Variants in NAV2 observed in about 807,000 individuals in gnomAD.
NAV2 encodes the protein helicase, APC down-regulated 1.
A neutral mutation model predicts 223.2 loss-of-function variants in NAV2; 54 were observed. That is an observed-to-expected ratio of 0.24 (90% confidence interval 0.19 to 0.30). NAV2 has a LOEUF of 0.30. Ranked by LOEUF, NAV2 falls within the 10% of genes least tolerant of loss-of-function variation. The pLI, the probability that NAV2 is intolerant of heterozygous loss-of-function variation, is 1.00. For synonymous variants in NAV2, 1,279 were observed against 1,239.3 expected (o/e 1.03, Z -0.67); for missense variants, 2,806 against 3,147.5 (o/e 0.89, Z 2.60).
intron 4 of NAV2, among the ~76,000 whole-genome samples, chr11:19,872,833 G>A (rs1473980549): frequency 2.0e-5 from 3 of 152,356 alleles, no homozygotes; most frequent in African/African-American, 7.2e-5. Flanking sequence ...CTGGTTTGGG[G>A]AACTTCCCTG....
intron 1 of NAV2, among the ~76,000 whole-genome samples, chr11:19,632,583 A>G (rs1275487600): frequency 6.6e-6 from 1 of 152,100 alleles, no homozygotes; most frequent in Non-Finnish European, 1.5e-5. Flanking sequence ...TGTGGTTTTC[A>G]TTGTGGTCAG....
In NAV2 at chr11:19,430,732, C is replaced by T. The variant is rs540628153; in HGVS notation, c.75+79705C>T. On this transcript the variant is annotated intron_variant, in intron 1 of 37. Coordinates refer to the NAV2 transcript ENST00000360655. ...AAGATATGATGCCAGTCTCCCCTGC[C>T]GTGTGGATCAGTTGACAGTTGAGGG... 1.1e-4 allele frequency among the ~76,000 whole-genome samples: 16 copies of T among 152,308 alleles called. 1 individual carries two copies. Among genetic ancestry groups the T allele is most frequent in the African/African-American group, 3.8e-4 (16 of 41,582 alleles).
chr11:19,963,029 G>A (rs1282053268), intron 10 of NAV2, among the ~76,000 whole-genome samples: 2 of 152,198 alleles, frequency 1.3e-5, no homozygotes, highest in Non-Finnish European at 2.9e-5. Context: ...TCAGAAACAT[G>A]GGACGAAATA....
intron 1 of NAV2, among the ~76,000 whole-genome samples, chr11:19,737,055 C>T (rs1267705249): frequency 6.6e-6 from 1 of 152,242 alleles, no homozygotes; most frequent in Non-Finnish European, 1.5e-5. Context: ...TGGCTGCTAG[C>T]CGTAGAGCCC....
At chr11:19,953,328 G>A (rs1423940861) in intron 10 of NAV2, among the ~76,000 whole-genome samples, 3 of 152,106 alleles carry the variant, frequency 2.0e-5, no homozygotes, top group African/African-American at 7.2e-5. Context: ...GGCTCTTCAT[G>A]GCCTTTGCCT....
intron 1 of NAV2, among the ~76,000 whole-genome samples, chr11:19,501,666 C>T (rs1047286837): frequency 3.3e-5 from 5 of 151,788 alleles, no homozygotes; most frequent in African/African-American, 4.8e-5. Flanking sequence ...GTTCTTATAG[C>T]ACATATTGCT....
chr11:19,581,345 A>C (rs1388772763), intron 1 of NAV2, among the ~76,000 whole-genome samples: 2 of 151,936 alleles, frequency 1.3e-5, no homozygotes, highest in East Asian at 3.9e-4. Context: ...ATCTCCTTTA[A>C]TTTCTTTTGA....
intron 1 of NAV2, among the ~76,000 whole-genome samples, chr11:19,742,073 A>G (rs1026115852): frequency 6.6e-6 from 1 of 152,028 alleles, no homozygotes. Context: ...GCATCTCACT[A>G]TAGTTTTCAT....
rs567673681 is a variant in NAV2, at chr11:19,965,432, C to T, written c.2645+16352C>T. Among the ~76,000 whole-genome samples, 4 of 152,248 alleles carry T rather than the reference C, an allele frequency of 2.6e-5. No homozygotes were observed. The East Asian group carries it at 7.7e-4, about 29-fold the overall frequency. ...CAGAACCCAGAATCTTAGACTCTTC[C>T]ATTCTCTTGTTCATGGAACGCCAGT... On this transcript the variant is annotated intron_variant, in intron 10 of 37. Coordinates refer to ENST00000349880, the MANE Select transcript of NAV2 (RefSeq NM_145117.5).
At chr11:19,761,309 A>G (rs922868596) in intron 1 of NAV2, among the ~76,000 whole-genome samples, 1 of 152,246 alleles carries the variant, frequency 6.6e-6, no homozygotes, top group African/African-American at 2.4e-5. Context: ...TGGAATTTAC[A>G]TTCTTATGGA....
At chr11:19,411,798 C>T (rs1318244321) in intron 1 of NAV2, among the ~76,000 whole-genome samples, 1 of 152,174 alleles carries the variant, frequency 6.6e-6, no homozygotes, top group African/African-American at 2.4e-5. Context: ...ACTGGCATCT[C>T]GTTTTGGTAC....
intron 32 of NAV2, among the ~76,000 whole-genome samples, chr11:20,102,372 A>G (rs529617377): frequency 6.6e-6 from 1 of 152,284 alleles, no homozygotes; most frequent in South Asian, 2.1e-4. Flanking sequence ...AAGACAGGCC[A>G]GTGTGGTGAA....
intron 1 of NAV2, among the ~76,000 whole-genome samples, chr11:19,788,961 G>A (rs1378292342): frequency 2.0e-5 from 3 of 152,038 alleles, no homozygotes; most frequent in Non-Finnish European, 2.9e-5. Context: ...GTTAGTAACA[G>A]GCTGTCTTCT....
At chr11:19,720,747 T>C (rs1248704661) in intron 1 of NAV2, among the ~76,000 whole-genome samples, 2 of 152,236 alleles carry the variant, frequency 1.3e-5, no homozygotes, top group East Asian at 3.8e-4. Context: ...CATTTAATCC[T>C]CACAACATCC....
intron 1 of NAV2, among the ~76,000 whole-genome samples, chr11:19,689,117 A>G (rs1008417561): frequency 1.3e-5 from 2 of 152,170 alleles, no homozygotes; most frequent in African/African-American, 2.4e-5. Context: ...CCTTCTCAGT[A>G]TTCCATTCTT....
At chr11:19,631,060 T>A (rs1441467049) in intron 1 of NAV2, among the ~76,000 whole-genome samples, 4 of 151,358 alleles carry the variant, frequency 2.6e-5, no homozygotes, top group African/African-American at 9.7e-5. Flanking sequence ...ATGGCCTGAA[T>A]TGCCCCTTTC....
chr11:19,374,071 C>T (rs1455541996), intron 1 of NAV2, among the ~76,000 whole-genome samples: 1 of 152,180 alleles, frequency 6.6e-6, no homozygotes, highest in Admixed American at 6.5e-5. Flanking sequence ...TCAGTATGTA[C>T]ATTTTATAGC....
chr11:19,495,641 C>A (rs572579490), intron 1 of NAV2, among the ~76,000 whole-genome samples: 1 of 152,100 alleles, frequency 6.6e-6, no homozygotes, highest in East Asian at 1.9e-4. Flanking sequence ...TTATTCTAGG[C>A]ACAGGTATAT....
chr11:19,906,288 G>A (rs1045122793), intron 6 of NAV2, among the ~76,000 whole-genome samples: 2 of 152,166 alleles, frequency 1.3e-5, no homozygotes, highest in African/African-American at 2.4e-5. Flanking sequence ...CTCTGAAAGA[G>A]GACACCAGTT....
Sources: gnomAD v4.1 joint callset for allele counts (sites outside exome capture counted in the v4.1 genomes callset) on GRCh38, gnomAD v4.1.1 for gene constraint, MANE v1.5 for transcripts, NCBI Gene and HGNC (gene_info 2026-07-23, HGNC 2026-07-21) for gene names.